The following RRAGC variants were observed in gnomAD, a reference collection of about 807,000 sequenced individuals.
The protein encoded by RRAGC is Ras related GTP binding C, also known as ras-related GTP-binding protein C.
In RRAGC, 8 loss-of-function variants were observed where a neutral mutation model predicts 37.1. That is an observed-to-expected ratio of 0.22 (90% confidence interval 0.13 to 0.39). The LOEUF is 0.39. Ranked by LOEUF, RRAGC falls within the 10% of genes least tolerant of loss-of-function variation. The pLI is 1.00. For missense variants in RRAGC, 342 were observed against 497.6 expected (o/e 0.69, Z 2.98); for synonymous variants, 190 against 181.1 (o/e 1.05, Z -0.39).
At chr1:38,857,263 C>T (rs1464220058) in intron 1 of RRAGC, among the ~76,000 whole-genome samples, 181 bp from the exon 2 acceptor site, 1 of 152,136 alleles carries the variant, frequency 6.6e-6, no homozygotes, top group African/African-American at 2.4e-5. Context: ...AAAGAAGACA[C>T]CAAATTAATT....
intron 6 of RRAGC, 108 bp from the exon 7 acceptor site, chr1:38,839,812 T>A: frequency 8.9e-7 from 1 of 1,120,628 alleles, no homozygotes; most frequent in Non-Finnish European, 1.3e-6. Flanking sequence ...TGGAAATTCT[T>A]AAGCCTCCAA....
Position 38,839,591 on chromosome 1 carries a change from C to T in RRAGC, c.1162G>A (p.Ala388Thr). The T allele has an allele frequency of 6.2e-7, 1 of 1,614,142 alleles. No individual in the cohort carries two copies. The highest frequency in any genetic ancestry group is 8.5e-7 in the Non-Finnish European group (1 of 1,180,038). Residue 388 changes from alanine (A) to threonine (T), a missense_variant, in exon 7 of 7, where the codon GCG (alanine) becomes ACG (threonine). By Grantham distance (58) the Ala-to-Thr change is moderately conservative. Coordinates refer to ENST00000373001, the MANE Select transcript of RRAGC (RefSeq NM_022157.4). ...CGTGGCGTGCCATTGTGTGTCAGCG[C>T]TTTCAGACTGGAGGCACTAGTCTGG... ...GHQTSASSLK[A>T]LTHNGTPRNA...
intron 3 of RRAGC, among the ~76,000 whole-genome samples, chr1:38,853,335 G>C (rs1043827632): frequency 3.9e-5 from 6 of 152,182 alleles, no homozygotes; most frequent in African/African-American, 1.4e-4. Flanking sequence ...TTTAAACACT[G>C]TCAACAATTC....
At chr1:38,857,157 C>T in intron 1 of RRAGC, 75 bp from the exon 2 acceptor site, 2 of 1,217,072 alleles carry the variant, frequency 1.6e-6, no homozygotes, top group Non-Finnish European at 2.3e-6. Context: ...CCTGGTTTAA[C>T]ATTTAAACAT....
intron 5 of RRAGC, chr1:38,848,013 G>C (rs970502863): frequency 6.9e-6 from 1 of 145,900 alleles, no homozygotes; most frequent in Non-Finnish European, 1.5e-5. Flanking sequence ...ACTCCAGCTT[G>C]GGCAACAGAG....
intron 3 of RRAGC, among the ~76,000 whole-genome samples, chr1:38,854,821 T>A (rs1642147386): frequency 6.6e-6 from 1 of 152,164 alleles, no homozygotes; most frequent in Non-Finnish European, 1.5e-5. Context: ...CTTGAGCCCA[T>A]AAAGAAGTCA....
intron 6 of RRAGC, 52 bp downstream of exon 6, chr1:38,845,887 G>C: frequency 6.9e-7 from 1 of 1,453,678 alleles, no homozygotes. Context: ...AAGAACCTGA[G>C]AAGTTATGGC....
At chr1:38,851,781 G>A (rs750927040) in intron 4 of RRAGC, 24 bp from the exon 5 acceptor site, 2 of 1,592,808 alleles carry the variant, frequency 1.3e-6, no homozygotes, top group Admixed American at 1.8e-5. Context: ...ATGGGAAACT[G>A]TTCAGTATTT....
chr1:38,859,400 C>T lies in RRAGC; in HGVS notation c.237+10G>A, dbSNP rs1255104237. 5 of 1,547,084 alleles carry T rather than the reference C, an allele frequency of 3.2e-6. No individual in the cohort carries two copies. The Admixed American group carries it at 7.8e-5, about 24-fold the overall frequency. ...GGAGGGGGCGGGGGACTGGGCGCAGCCCTGCTCACCTTCTGGATGGAGGAC... is the reference window on the plus strand; with the variant it reads ...GGAGGGGGCGGGGGACTGGGCGCAGTCCTGCTCACCTTCTGGATGGAGGAC... On this transcript the variant is annotated intron_variant, in intron 1 of 6. Transcript: ENST00000373001.
At chr1:38,844,758 CG>C (rs1198404416) in intron 6 of RRAGC, among the ~76,000 whole-genome samples, 1 of 152,048 alleles carries the variant, frequency 6.6e-6, no homozygotes, top group African/African-American at 2.4e-5. Flanking sequence ...CCAGAATCTA[CG>C]AGGAACTTAA....
At position 38,859,673 on chromosome 1, in the gene RRAGC, C is replaced by G. The variant is rs772182448; in HGVS notation, c.-27G>C. On this transcript the variant is annotated 5_prime_UTR_variant, in exon 1 of 7. Transcript: ENST00000373001. ...GTGCTGGAGCCGCCGCCGCCCGCGC[C>G]CTGACAGGCCAGGCCAGGCCGAGCC... is the stretch of plus-strand genomic sequence containing the variant. 32 of 1,526,284 alleles carry G rather than the reference C, an allele frequency of 2.1e-5. No individual in the cohort carries two copies. Among genetic ancestry groups the G allele is most frequent in the Middle Eastern group, 2.2e-4 (1 of 4,468 alleles). 94.5% of individuals were successfully genotyped at this position (1,526,284 alleles called of 1,614,324 possible).
intron 6 of RRAGC, among the ~76,000 whole-genome samples, chr1:38,840,404 C>T (rs2124211943): frequency 6.6e-6 from 1 of 152,246 alleles, no homozygotes. Flanking sequence ...ACTTATTACA[C>T]AGCACGATAG....
At chr1:38,845,402 A>C (rs185984769) in intron 6 of RRAGC, among the ~76,000 whole-genome samples, 1 of 152,214 alleles carries the variant, frequency 6.6e-6, no homozygotes, top group East Asian at 1.9e-4. Context: ...GCATGTTCTC[A>C]CTCATAAGTA....
intron 6 of RRAGC, among the ~76,000 whole-genome samples, chr1:38,842,225 T>A (rs908479098): frequency 1.4e-4 from 21 of 152,102 alleles, no homozygotes; most frequent in Admixed American, 1.2e-3. Context: ...TGAGCCGAGA[T>A]CGCACCACTG....
chr1:38,842,463 A>G (rs963728556), intron 6 of RRAGC, among the ~76,000 whole-genome samples: 2 of 152,220 alleles, frequency 1.3e-5, no homozygotes, highest in Non-Finnish European at 2.9e-5. Flanking sequence ...TGAGAATCAA[A>G]TAAGATACCC....
chr1:38,838,212 C>T lies in RRAGC; in HGVS notation c.*1341G>A, dbSNP rs925735428. On this transcript the variant is annotated 3_prime_UTR_variant, in exon 7 of 7. Transcript: ENST00000373001. The stretch of plus-strand genomic sequence containing the variant: ...AGAAACGCTGATTTTGGAGTAAATA[C>T]ATTTATTGATACCCATTTCATATAT... 1 of 152,206 alleles carries T rather than the reference C, an allele frequency of 6.6e-6. No individual in the cohort carries two copies. The highest frequency in any genetic ancestry group is 1.5e-5 in the Non-Finnish European group (1 of 68,044). 9.4% of individuals were successfully genotyped at this position (152,206 alleles called of 1,614,324 possible). A position where few individuals can be genotyped will look rare whatever the true frequency, so the allele number is the denominator to read the frequency against.
chr1:38,853,973 G>C (rs976640498), intron 3 of RRAGC, among the ~76,000 whole-genome samples: 3 of 152,010 alleles, frequency 2.0e-5, no homozygotes, highest in Non-Finnish European at 2.9e-5. Flanking sequence ...GGGAGAACCT[G>C]CAAGTCACAG....
chr1:38,840,401 A>G (rs942843), intron 6 of RRAGC, among the ~76,000 whole-genome samples: 144,956 of 152,090 alleles, frequency 0.95, 69,317 homozygotes, highest in African/African-American at 0.99. Context: ...AATACTTATT[A>G]CACAGCACGA....
chr1:38,848,756 G>A (rs552099138), intron 5 of RRAGC, among the ~76,000 whole-genome samples: 5 of 151,882 alleles, frequency 3.3e-5, no homozygotes, highest in Non-Finnish European at 5.9e-5. Context: ...AGACTAAGAC[G>A]GGAATATTGC....
Sources: allele counts gnomAD v4.1 joint callset (sites outside exome capture counted in the v4.1 genomes callset), GRCh38; gene constraint gnomAD v4.1.1; transcripts MANE v1.5; gene names NCBI Gene and HGNC (gene_info 2026-07-23, HGNC 2026-07-21).